KAZN: variants seen among roughly 807,000 people sequenced by gnomAD.
The protein encoded by KAZN is kazrin, periplakin interacting protein.
KAZN carries 40 observed loss-of-function variants against 87.4 expected under a neutral mutation model. That is an observed-to-expected ratio of 0.46 (90% CI 0.36 to 0.60). KAZN has a LOEUF of 0.60. KAZN is among the 20% of genes least tolerant of loss of function. The pLI is 0.00. For missense variants in KAZN, 898 were observed against 1,073.9 expected (o/e 0.84, Z 2.29); for synonymous variants, 466 against 458.3 (o/e 1.02, Z -0.22).
chr1:14,254,250 C>A (rs887383031), intron 2 of KAZN, among the ~76,000 whole-genome samples: 1 of 152,142 alleles, frequency 6.6e-6, no homozygotes, highest in African/African-American at 2.4e-5. Flanking sequence ...ATTTGATAGA[C>A]ATTGTTATAT....
chr1:14,724,769 C>T (rs566345620), intron 1 of KAZN, among the ~76,000 whole-genome samples: 3 of 152,216 alleles, frequency 2.0e-5, no homozygotes, highest in South Asian at 2.1e-4. Context: ...TGATGGGCTG[C>T]GGTGGAATTG....
At chr1:14,517,322 G>A (rs1671348836) in intron 2 of KAZN, among the ~76,000 whole-genome samples, 1 of 152,108 alleles carries the variant, frequency 6.6e-6, no homozygotes, top group Non-Finnish European at 1.5e-5. Context: ...GAGCCTATTA[G>A]AAAGTAAAGC....
intron 8 of KAZN, among the ~76,000 whole-genome samples, chr1:15,069,400 G>A (rs924951521): frequency 5.9e-5 from 9 of 152,204 alleles, no homozygotes; most frequent in East Asian, 3.9e-4. Context: ...CTTGGCCAGC[G>A]TCCTAGCTAT....
intron 1 of KAZN, among the ~76,000 whole-genome samples, chr1:13,999,605 G>A (rs1304216853): frequency 2.0e-5 from 3 of 152,156 alleles, no homozygotes; most frequent in Non-Finnish European, 4.4e-5. Flanking sequence ...CAGAAAGCTA[G>A]AAAGATCTCA....
intron 11 of KAZN, among the ~76,000 whole-genome samples, chr1:15,102,848 GCA>G (rs1420197387): frequency 6.6e-6 from 1 of 152,374 alleles, no homozygotes; most frequent in African/African-American, 2.4e-5. Flanking sequence ...AGCGAGGACA[GCA>G]GCAGTGCCTT....
At chr1:14,596,306 G>GCA (rs1676505700), upstream of KAZN, among the ~76,000 whole-genome samples, 1 of 61,542 alleles carries the variant, frequency 1.6e-5, no homozygotes, top group African/African-American at 1.0e-4. Flanking sequence ...GCACACGTGT[G>GCA]CGCACACACA....
chr1:14,441,062 G>A (rs1171266264), intron 2 of KAZN, among the ~76,000 whole-genome samples: 5 of 152,092 alleles, frequency 3.3e-5, no homozygotes, highest in African/African-American at 4.8e-5. Flanking sequence ...GCACCTGATG[G>A]ACTGACAGCT....
intron 1 of KAZN, among the ~76,000 whole-genome samples, chr1:14,745,315 C>T (rs1490316321): frequency 6.6e-6 from 1 of 151,038 alleles, no homozygotes; most frequent in Non-Finnish European, 1.5e-5. Context: ...AAGGGCTTCT[C>T]TGCAACTGTT....
At chr1:14,320,720 A>C (rs1028203669) in intron 2 of KAZN, among the ~76,000 whole-genome samples, 3 of 152,196 alleles carry the variant, frequency 2.0e-5, no homozygotes, top group Admixed American at 2.0e-4. Flanking sequence ...ACTTTTTCTT[A>C]GAAAAACCGC....
At chr1:14,499,937 C>G (rs192359750) in intron 2 of KAZN, among the ~76,000 whole-genome samples, 3 of 152,186 alleles carry the variant, frequency 2.0e-5, no homozygotes, top group African/African-American at 7.2e-5. Flanking sequence ...AGGCCCACCA[C>G]GCTGTTCAAG....
chr1:15,103,531 CA>C (rs1170767607), intron 12 of KAZN, 71 bp downstream of exon 12: 3 of 919,592 alleles, frequency 3.3e-6, no homozygotes, highest in South Asian at 1.4e-5. Flanking sequence ...ATATGCAAAT[CA>C]ATATGCAAAT....
At chr1:14,700,199 A>T (rs1332614969) in intron 1 of KAZN, among the ~76,000 whole-genome samples, 5 of 152,200 alleles carry the variant, frequency 3.3e-5, no homozygotes, top group Admixed American at 3.3e-4. Flanking sequence ...CAGCAATATC[A>T]TGGGAAGGAG....
At chr1:15,109,899 ATG>A (rs760099537) in intron 13 of KAZN, among the ~76,000 whole-genome samples, 3 of 144,838 alleles carry the variant, frequency 2.1e-5, no homozygotes, top group African/African-American at 5.2e-5. Flanking sequence ...TTGTGTGTAT[ATG>A]TGTTTGTGTA....
chr1:15,100,242 T>C (rs1640996681), intron 10 of KAZN, among the ~76,000 whole-genome samples: 3 of 152,082 alleles, frequency 2.0e-5, no homozygotes, highest in Admixed American at 6.5e-5. Flanking sequence ...TATGGCAGCA[T>C]GTACCCCAGC....
chr1:15,056,773 G>A lies in KAZN; in HGVS notation c.916+493G>A, dbSNP rs568366634. Reference sequence around the variant, plus strand: ...TGGCCAATCACAGGGCATCCAAGAGGGGCTGATGTCAATGTCACAGGTGTT... The same window carrying A: ...TGGCCAATCACAGGGCATCCAAGAGAGGCTGATGTCAATGTCACAGGTGTT... On this transcript the variant is annotated intron_variant, in intron 5 of 14. Transcript: ENST00000376030. This position sits in a 1 kb window ranked among gnomAD's most constrained non-coding sequence, Gnocchi z 5.4. Among the ~76,000 whole-genome samples, 49 of 152,284 alleles carry A rather than the reference G, an allele frequency of 3.2e-4. No homozygotes were observed. Among genetic ancestry groups the A allele is most frequent in the African/African-American group, 1.2e-3 (48 of 41,566 alleles).
chr1:15,104,261 G>T, intron 13 of KAZN, 72 bp downstream of exon 13: 2 of 1,418,938 alleles, frequency 1.4e-6, no homozygotes, highest in Non-Finnish European at 1.9e-6. Context: ...GAAGCAGATG[G>T]TCCAGCTCCC....
rs1644468601 is a variant in KAZN at position 14,110,143 on chromosome 1, C to T, written c.92-70292C>T. Among the ~76,000 whole-genome samples, 2 of 78,826 alleles carry T rather than the reference C, an allele frequency of 2.5e-5. 1 individual carries two copies. Among genetic ancestry groups the T allele is most frequent in the African/African-American group, 1.1e-4 (2 of 18,168 alleles). The allele number at this position is 78,826 out of a possible 152,430, so 51.7% of individuals were successfully genotyped here. On this transcript the variant is annotated intron_variant, in intron 1 of 16. Coordinates refer to the KAZN transcript ENST00000636203. ...GCAAATGCACTGTTTTTGAAAAATG[C>T]ATTTAGTCAGCAGGGTGGTTTTTGT... is the stretch of plus-strand genomic sequence containing the variant.
At chr1:14,496,620 T>C (rs1669956654) in intron 2 of KAZN, among the ~76,000 whole-genome samples, 1 of 152,144 alleles carries the variant, frequency 6.6e-6, no homozygotes, top group Non-Finnish European at 1.5e-5. Flanking sequence ...TGAGGAACAG[T>C]GACAAAGAAA....
rs575980549 is a variant in KAZN, at chr1:14,092,728, A to T, written c.92-87707A>T. On this transcript the variant is annotated intron_variant, in intron 1 of 16. Transcript: ENST00000636203. ...CTATTTGTGCAGAAAACGTACCTTT[A>T]TTTTGTCCTTTATTTTCTCCCCTTT... Among the ~76,000 whole-genome samples, 49 of 152,000 alleles carry T rather than the reference A, an allele frequency of 3.2e-4. No individual in the cohort carries two copies. The East Asian group carries it at 9.1e-3, about 28-fold the overall frequency.
Sources: gnomAD v4.1 joint callset for allele counts (sites outside exome capture counted in the v4.1 genomes callset) on GRCh38, gnomAD v4.1.1 for gene constraint, Gnocchi (gnomAD v3.1) non-coding constraint, MANE v1.5 for transcripts, NCBI Gene and HGNC (gene_info 2026-07-23, HGNC 2026-07-21) for gene names.